The following PIP5K1B variants were observed in gnomAD, a reference collection of about 807,000 sequenced individuals.
PIP5K1B encodes the protein phosphatidylinositol-4-phosphate 5-kinase type 1 beta.
In PIP5K1B, 42 loss-of-function variants were observed where a neutral mutation model predicts 67.0. The ratio of observed to expected loss-of-function variants is 0.63; its 90% CI spans 0.49 to 0.81. The LOEUF is 0.81. Ranked by LOEUF, PIP5K1B falls within the 30% of genes least tolerant of loss-of-function variation. PIP5K1B has a pLI of 0.00. For missense variants in PIP5K1B, 459 were observed against 646.3 expected (o/e 0.71, Z 3.14); for synonymous variants, 214 against 231.4 (o/e 0.92, Z 0.68).
At chr9:68,945,347 T>C (rs1041048229) in intron 14 of PIP5K1B, among the ~76,000 whole-genome samples, 2 of 152,114 alleles carry the variant, frequency 1.3e-5, no homozygotes, top group African/African-American at 2.4e-5. Flanking sequence ...AGTTTCACCA[T>C]GTTGGCCAGG....
At chr9:68,908,219 C>T (rs1312018973) in intron 8 of PIP5K1B, among the ~76,000 whole-genome samples, 1 of 152,050 alleles carries the variant, frequency 6.6e-6, no homozygotes, top group Non-Finnish European at 1.5e-5. Flanking sequence ...GACATTTTAA[C>T]ATAAAATATT....
intron 14 of PIP5K1B, among the ~76,000 whole-genome samples, chr9:68,971,326 A>T (rs1335253858): frequency 2.6e-5 from 4 of 151,238 alleles, no homozygotes; most frequent in Admixed American, 1.3e-4. Context: ...ACATAAACTC[A>T]CTCTTTTTTG....
chr9:68,804,452 C>T (rs1295544075), intron 2 of PIP5K1B, among the ~76,000 whole-genome samples: 7 of 152,144 alleles, frequency 4.6e-5, no homozygotes, highest in Non-Finnish European at 8.8e-5. Flanking sequence ...AGGAAATAAG[C>T]GAAGTCTTCA....
intron 14 of PIP5K1B, among the ~76,000 whole-genome samples, chr9:68,971,381 A>G (rs560114591): frequency 6.6e-6 from 1 of 152,060 alleles, no homozygotes; most frequent in Non-Finnish European, 1.5e-5. Flanking sequence ...CATTTTCTTT[A>G]TCTAGTCTAT....
chr9:68,876,837 T>G (rs769119183), intron 6 of PIP5K1B, 43 bp downstream of exon 6: 1 of 957,230 alleles, frequency 1.0e-6, no homozygotes. Flanking sequence ...AAATGTGTGA[T>G]GTAAACATTT....
chr9:68,893,335 T>TTTC (rs1554730528), intron 7 of PIP5K1B, among the ~76,000 whole-genome samples: 3 of 137,652 alleles, frequency 2.2e-5, no homozygotes, highest in African/African-American at 5.4e-5. Context: ...TTTTTTTTCT[T>TTTC]TTTTTTTTTT....
At chr9:68,745,840 C>T (rs1403324891) in intron 2 of PIP5K1B, among the ~76,000 whole-genome samples, 1 of 152,166 alleles carries the variant, frequency 6.6e-6, no homozygotes, top group Non-Finnish European at 1.5e-5. Context: ...ATTTCCCTCA[C>T]AGTACATCTT....
intron 2 of PIP5K1B, among the ~76,000 whole-genome samples, chr9:68,812,440 A>G (rs1418572345): frequency 6.6e-6 from 1 of 152,254 alleles, no homozygotes; most frequent in Non-Finnish European, 1.5e-5. Flanking sequence ...GTCAAAAAAA[A>G]GTCATTGTCT....
intron 14 of PIP5K1B, among the ~76,000 whole-genome samples, chr9:68,981,436 A>G (rs73443574): frequency 0.049 from 6,989 of 143,368 alleles, 175 homozygotes; most frequent in African/African-American, 0.07. Context: ...TTAAAAGAGA[A>G]ATCCCAAAAA....
chr9:68,776,086 T>C (rs1376121059), intron 2 of PIP5K1B, among the ~76,000 whole-genome samples: 1 of 152,210 alleles, frequency 6.6e-6, no homozygotes, highest in Non-Finnish European at 1.5e-5. Flanking sequence ...GTTGTAACAG[T>C]TAACCCTAAG....
intron 4 of PIP5K1B, among the ~76,000 whole-genome samples, chr9:68,838,014 T>G (rs1821716296): frequency 6.6e-6 from 1 of 152,014 alleles, no homozygotes; most frequent in African/African-American, 2.4e-5. Flanking sequence ...TACCTATTTT[T>G]AGTTGAATAT....
chr9:68,970,920 C>T (rs1337076948), intron 14 of PIP5K1B, among the ~76,000 whole-genome samples: 2 of 152,242 alleles, frequency 1.3e-5, no homozygotes, highest in East Asian at 1.9e-4. Context: ...CCAGAGCCCA[C>T]ATCTTCTTGC....
At chr9:68,988,444 G>GTTTTTTTTTTTTTT (rs61373302) in intron 14 of PIP5K1B, among the ~76,000 whole-genome samples, 2 of 109,988 alleles carry the variant, frequency 1.8e-5, no homozygotes, top group African/African-American at 3.3e-5. Context: ...TTTTTTTGGG[G>GTTTTTTTTTTTTTT]TTTTTTTTTT....
At chr9:68,763,622 C>G (rs1217022481) in intron 2 of PIP5K1B, among the ~76,000 whole-genome samples, 1 of 152,088 alleles carries the variant, frequency 6.6e-6, no homozygotes, top group Non-Finnish European at 1.5e-5. Context: ...ATACAATTCA[C>G]AGCTCTATAG....
chr9:68,888,843 A>G, intron 6 of PIP5K1B, 138 bp from the exon 7 acceptor site: 1 of 566,516 alleles, frequency 1.8e-6, no homozygotes, highest in Non-Finnish European at 3.2e-6. Context: ...TTCTCGGTAT[A>G]CGTGGAGCCT....
intron 2 of PIP5K1B, among the ~76,000 whole-genome samples, chr9:68,754,644 T>G (rs905298530): frequency 2.6e-5 from 4 of 152,216 alleles, no homozygotes; most frequent in African/African-American, 9.7e-5. Flanking sequence ...TGATTTTATT[T>G]TCAGGTGATT....
chr9:68,793,277 T>A (rs559267811), intron 2 of PIP5K1B, among the ~76,000 whole-genome samples: 35 of 152,122 alleles, frequency 2.3e-4, no homozygotes, highest in Admixed American at 5.9e-4. Flanking sequence ...ATGAGTGAGA[T>A]GAGAGCCATC....
At chr9:68,963,504 GA>G (rs5898052) in intron 14 of PIP5K1B, among the ~76,000 whole-genome samples, 132,386 of 144,066 alleles carry the variant, frequency 0.92, 60,967 homozygotes, top group East Asian at 0.98. Flanking sequence ...CTCTGTCTCA[GA>G]AAAAAAAAAA....
At chr9:68,851,437 C>T (rs559191685) in intron 4 of PIP5K1B, among the ~76,000 whole-genome samples, 1 of 152,292 alleles carries the variant, frequency 6.6e-6, no homozygotes, top group South Asian at 2.1e-4. Context: ...AATGGAACTC[C>T]AGTATTCTTA....
Sources: gnomAD v4.1 joint callset for allele counts (sites outside exome capture counted in the v4.1 genomes callset) on GRCh38, gnomAD v4.1.1 for gene constraint, MANE v1.5 for transcripts, NCBI Gene and HGNC (gene_info 2026-07-23, HGNC 2026-07-21) for gene names.